Variants in AGBL4 observed in about 807,000 individuals in gnomAD.
AGBL4 encodes AGBL carboxypeptidase 4.
Under a neutral mutation model 66.4 loss-of-function variants are expected in AGBL4, and 58 were observed. The ratio of observed to expected loss-of-function variants is 0.87; its 90% confidence interval spans 0.71 to 1.09. The LOEUF (loss-of-function observed/expected upper bound fraction) is 1.09. Among genes scored for constraint, AGBL4 ranks in the 50% least tolerant of loss-of-function variants. The pLI is 0.00. For missense variants in AGBL4, 579 were observed against 631.0 expected (o/e 0.92, Z 0.88); for synonymous variants, 234 against 222.9 (o/e 1.05, Z -0.44).
At chr1:48,548,177 C>T (rs1358278764) in intron 11 of AGBL4, among the ~76,000 whole-genome samples, 1 of 151,938 alleles carries the variant, frequency 6.6e-6, no homozygotes, top group Non-Finnish European at 1.5e-5. Flanking sequence ...ATATAGAATG[C>T]TGGAACGTGA....
Position 48,895,816 on chromosome 1 carries a change from G to C in AGBL4, c.595-28586C>G, listed in dbSNP as rs536744542. ...TTTACAGTTGGGGTGTGGAGGATAA[G>C]AGAAGGCAAAGGACTTGACAATGTT... On this transcript the variant is annotated intron_variant, in intron 5 of 13. Transcript: ENST00000371839. Among the ~76,000 whole-genome samples the C allele has an allele frequency of 2.6e-5, 4 of 152,314 alleles. No individual in the cohort carries two copies. The East Asian group carries it at 5.8e-4, about 22-fold the overall frequency.
intron 3 of AGBL4, among the ~76,000 whole-genome samples, chr1:49,515,182 A>C (rs993030903): frequency 5.3e-5 from 8 of 152,122 alleles, no homozygotes; most frequent in Non-Finnish European, 1.0e-4. Flanking sequence ...AACTCAAAGA[A>C]ATTTACAAGA....
chr1:49,983,071 T>A (rs1327741602), intron 1 of AGBL4, among the ~76,000 whole-genome samples: 1 of 152,202 alleles, frequency 6.6e-6, no homozygotes, highest in East Asian at 1.9e-4. Context: ...TCTGCATACC[T>A]CATTCTTCCT....
chr1:49,055,545 A>C (rs765541273), intron 4 of AGBL4, among the ~76,000 whole-genome samples: 14 of 152,064 alleles, frequency 9.2e-5, no homozygotes, highest in Non-Finnish European at 1.9e-4. Flanking sequence ...CATAATATAT[A>C]ACTCTAAGAA....
At chr1:49,047,936 C>G (rs149816228) in intron 4 of AGBL4, among the ~76,000 whole-genome samples, 1 of 151,926 alleles carries the variant, frequency 6.6e-6, no homozygotes, top group African/African-American at 2.4e-5. Flanking sequence ...AAGAACAGAC[C>G]AGTGCAAGGA....
At chr1:49,613,189 T>C (rs1645185323) in intron 3 of AGBL4, among the ~76,000 whole-genome samples, 2 of 151,838 alleles carry the variant, frequency 1.3e-5, no homozygotes, top group Non-Finnish European at 1.5e-5. Context: ...TAGGTACACA[T>C]GGACACAAAG....
At chr1:49,381,477 C>T (rs1644607784) in intron 3 of AGBL4, among the ~76,000 whole-genome samples, 1 of 151,982 alleles carries the variant, frequency 6.6e-6, no homozygotes, top group Admixed American at 6.6e-5. Flanking sequence ...ACCATTTGAC[C>T]CAGCCATCCC....
At chr1:50,014,982 A>C (rs1474478788) in intron 1 of AGBL4, among the ~76,000 whole-genome samples, 2 of 152,220 alleles carry the variant, frequency 1.3e-5, no homozygotes, top group Non-Finnish European at 2.9e-5. Flanking sequence ...TAAGAATCTG[A>C]GGAGAAAGGA....
intron 9 of AGBL4, among the ~76,000 whole-genome samples, chr1:48,614,681 T>C (rs181554141): frequency 4.5e-4 from 68 of 152,364 alleles, no homozygotes; most frequent in Non-Finnish European, 7.6e-4. Flanking sequence ...TAGGTTGTTC[T>C]ATCTACCTCA....
intron 3 of AGBL4, among the ~76,000 whole-genome samples, chr1:49,623,872 A>G (rs1645414771): frequency 1.3e-5 from 2 of 152,184 alleles, no homozygotes; most frequent in South Asian, 4.1e-4. Flanking sequence ...GATAGGCTTA[A>G]TGATAGTCTT....
chr1:49,831,151 A>G (rs1645662993), intron 2 of AGBL4, among the ~76,000 whole-genome samples: 1 of 152,158 alleles, frequency 6.6e-6, no homozygotes, highest in African/African-American at 2.4e-5. Context: ...GAAGAAAGTC[A>G]ATGGTAGTTT....
intron 1 of AGBL4, among the ~76,000 whole-genome samples, chr1:49,929,604 G>C (rs1369390151): frequency 6.6e-6 from 1 of 151,638 alleles, no homozygotes; most frequent in African/African-American, 2.4e-5. Flanking sequence ...ACATACACAA[G>C]CTAACAGAAT....
chr1:49,935,000 G>T (rs1479807824), intron 1 of AGBL4, among the ~76,000 whole-genome samples: 1 of 152,328 alleles, frequency 6.6e-6, no homozygotes, highest in East Asian at 1.9e-4. Flanking sequence ...TGGGTGCAGC[G>T]CACCGTGTGC....
At chr1:49,664,389 T>G (rs1343797319) in intron 3 of AGBL4, among the ~76,000 whole-genome samples, 1 of 152,082 alleles carries the variant, frequency 6.6e-6, no homozygotes, top group Non-Finnish European at 1.5e-5. Context: ...TATTCTTGAA[T>G]AGAACACATA....
chr1:48,795,559 C>T (rs1252148782), intron 6 of AGBL4, among the ~76,000 whole-genome samples: 3 of 152,204 alleles, frequency 2.0e-5, no homozygotes, highest in African/African-American at 7.2e-5. Context: ...CAGTATCACA[C>T]CCAGAAAGTT....
intron 3 of AGBL4, among the ~76,000 whole-genome samples, chr1:49,607,254 C>G (rs1490683500): frequency 6.6e-6 from 1 of 152,064 alleles, no homozygotes; most frequent in Non-Finnish European, 1.5e-5. Context: ...ACCTAGGATC[C>G]AGCTTTATTT....
At chr1:49,048,661 T>A (rs926704114) in intron 4 of AGBL4, among the ~76,000 whole-genome samples, 4 of 152,146 alleles carry the variant, frequency 2.6e-5, no homozygotes, top group Admixed American at 2.6e-4. Context: ...GATGTACTTC[T>A]TATTTTTCTC....
intron 6 of AGBL4, among the ~76,000 whole-genome samples, chr1:48,729,836 T>C (rs763039341): frequency 7.2e-5 from 11 of 152,098 alleles, no homozygotes; most frequent in Non-Finnish European, 1.5e-4. Flanking sequence ...AGTCACTTCC[T>C]GACTATTCCC....
At chr1:49,161,792 A>C (rs1214765300) in intron 4 of AGBL4, among the ~76,000 whole-genome samples, 2 of 152,100 alleles carry the variant, frequency 1.3e-5, no homozygotes, top group Admixed American at 1.3e-4. Context: ...CACATACTGC[A>C]ATGTTCCAAC....
Sources: gnomAD v4.1 joint callset for allele counts (sites outside exome capture counted in the v4.1 genomes callset) on GRCh38, gnomAD v4.1.1 for gene constraint, MANE v1.5 for transcripts, NCBI Gene and HGNC (gene_info 2026-07-23, HGNC 2026-07-21) for gene names.